SLCO3A1: variants seen among roughly 807,000 people sequenced by gnomAD.
The protein encoded by SLCO3A1 is solute carrier organic anion transporter family member 3A1.
Under a neutral mutation model 63.1 loss-of-function variants are expected in SLCO3A1, and 27 were observed. That is an observed-to-expected ratio of 0.43 (90% CI 0.32 to 0.59). The LOEUF (loss-of-function observed/expected upper bound fraction) is 0.59. SLCO3A1 is among the 20% of genes least tolerant of loss of function. The pLI, the probability that SLCO3A1 is intolerant of heterozygous loss-of-function variation, is 0.09. For missense variants in SLCO3A1, 773 were observed against 945.8 expected (o/e 0.82, Z 2.40); for synonymous variants, 473 against 409.9 (o/e 1.15, Z -1.86).
At position 91,854,051 on chromosome 15, in the gene SLCO3A1, C is replaced by T; in HGVS notation, c.143C>T (p.Ala48Val). Reference sequence around the variant, plus strand: ...AAGATCTTCCTGGTGTCCGAGTGCGCCCTGATGCTGGCGCAGGGCACGGTG... The same window carrying T: ...AAGATCTTCCTGGTGTCCGAGTGCGTCCTGATGCTGGCGCAGGGCACGGTG... ...NIKIFLVSECALMLAQGTVGA... is the reference protein window; with the variant it reads ...NIKIFLVSECVLMLAQGTVGA... Residue 48 changes from alanine (A) to valine (V), a missense_variant, in exon 1 of 10, where the codon GCC becomes GTC. Physicochemically the swap from Ala to Val is moderately conservative, Grantham distance 64. Around this residue, in one of 3 missense-constraint regions of SLCO3A1, gnomAD observed 69 missense variants for 64.6 expected, o/e 1.07. Coordinates refer to ENST00000318445, the MANE Select transcript of SLCO3A1 (RefSeq NM_013272.4). The surrounding 1 kb of genome is among the most constrained non-coding windows in gnomAD (Gnocchi z 6.4). The T allele has an allele frequency of 6.5e-7, 1 of 1,537,958 alleles. No individual in the cohort carries two copies. The highest frequency in any genetic ancestry group is 8.8e-7 in the Non-Finnish European group (1 of 1,140,134).
chr15:91,877,098 AT>A (rs1897419072), intron 1 of SLCO3A1, among the ~76,000 whole-genome samples: 1 of 152,160 alleles, frequency 6.6e-6, no homozygotes, highest in Non-Finnish European at 1.5e-5. Context: ...GACTTGATTT[AT>A]TTCTTGATCT....
intron 2 of SLCO3A1, among the ~76,000 whole-genome samples, chr15:92,092,236 A>T (rs2047486609): frequency 6.6e-6 from 1 of 152,156 alleles, no homozygotes; most frequent in Non-Finnish European, 1.5e-5. Context: ...TTTTCCAAGG[A>T]TGCTGAAGGC....
Position 91,967,116 on chromosome 15 carries a change from G to A in SLCO3A1, c.646+50658G>A, listed in dbSNP as rs1900688133. On this transcript the variant is annotated intron_variant, in intron 2 of 9. Coordinates refer to ENST00000318445, the MANE Select transcript of SLCO3A1 (RefSeq NM_013272.4). The surrounding 1 kb of genome is among the most constrained non-coding windows in gnomAD (Gnocchi z 4.4). The stretch of plus-strand genomic sequence containing the variant: ...TGATCCAGAAGAGTTAGGCTCTAAA[G>A]AAGTTTTGAAATACCTCATTCTATT... Among the ~76,000 whole-genome samples, 1 of 152,110 alleles carries A rather than the reference G, an allele frequency of 6.6e-6. No homozygotes were observed. Among genetic ancestry groups the A allele is most frequent in the Admixed American group, 6.5e-5 (1 of 15,272 alleles).
At chr15:92,109,498 C>T (rs76877901) in intron 4 of SLCO3A1, among the ~76,000 whole-genome samples, 2 of 152,316 alleles carry the variant, frequency 1.3e-5, no homozygotes, top group East Asian at 3.9e-4. Flanking sequence ...TGTCCTGACC[C>T]TCTGCCAGGT....
intron 3 of SLCO3A1, among the ~76,000 whole-genome samples, chr15:92,102,085 G>T (rs539936193): frequency 6.6e-6 from 1 of 151,828 alleles, no homozygotes; most frequent in African/African-American, 2.4e-5. Context: ...CTCTTTACCC[G>T]CTCACATCTG....
At chr15:92,156,069 C>T (rs2048367667) in intron 9 of SLCO3A1, among the ~76,000 whole-genome samples, 1 of 152,300 alleles carries the variant, frequency 6.6e-6, no homozygotes, top group African/African-American at 2.4e-5. Flanking sequence ...TGGAAAAGTA[C>T]ATCCTAGACA....
rs971166197 is a variant in SLCO3A1 at position 91,883,404 on chromosome 15, T to A, written c.180+29316T>A. 9.9e-5 allele frequency among the ~76,000 whole-genome samples: 15 copies of A among 152,180 alleles called. No homozygotes were observed. The highest frequency in any genetic ancestry group is 3.1e-4 in the African/African-American group (13 of 41,436). ...CTTCTTGGTAGAAGCAGTGCCAGTT[T>A]GGGATCAGAACGTCCAATCGCTGAC... On this transcript the variant is annotated intron_variant, in intron 1 of 9. Transcript: ENST00000318445. This position sits in a 1 kb window ranked among gnomAD's most constrained non-coding sequence, Gnocchi z 4.8.
Position 91,942,394 on chromosome 15 carries a change from G to A in SLCO3A1, c.646+25936G>A, listed in dbSNP as rs1013922146. On this transcript the variant is annotated intron_variant, in intron 2 of 9. Coordinates refer to ENST00000318445, the MANE Select transcript of SLCO3A1 (RefSeq NM_013272.4). This position sits in a 1 kb window ranked among gnomAD's most constrained non-coding sequence, Gnocchi z 4.1. ...TTGTTTTATGTATATTCCTATAGCT[G>A]TGCAGGTAAAACATGCCATTTAGCA... is the stretch of plus-strand genomic sequence containing the variant. Among the ~76,000 whole-genome samples the A allele has an allele frequency of 6.6e-6, 1 of 152,152 alleles. No homozygotes were observed. The highest frequency in any genetic ancestry group is 1.9e-4 in the East Asian group (1 of 5,182).
intron 2 of SLCO3A1, among the ~76,000 whole-genome samples, chr15:92,001,492 G>A (rs564899170): frequency 1.1e-4 from 17 of 152,294 alleles, no homozygotes; most frequent in East Asian, 7.7e-4. Context: ...TCCTGTGCCC[G>A]CTGGCCTGCT....
chr15:92,143,467 T>TATATATA (rs1462977606), intron 7 of SLCO3A1, among the ~76,000 whole-genome samples: 28 of 16,788 alleles, frequency 1.7e-3, no homozygotes, highest in Middle Eastern at 0.02. Context: ...ATAATATATA[T>TATATATA]AAATATATAT....
chr15:91,855,359 G>T (rs893964306), intron 1 of SLCO3A1, among the ~76,000 whole-genome samples: 2 of 152,200 alleles, frequency 1.3e-5, no homozygotes, highest in Middle Eastern at 3.2e-3. Flanking sequence ...AAGTTAGGTG[G>T]TTGTGAGAGA....
Position 92,091,329 on chromosome 15 carries a change from G to A in SLCO3A1, c.647-3552G>A, listed in dbSNP as rs539289147. Among the ~76,000 whole-genome samples the A allele has an allele frequency of 1.1e-4, 17 of 152,222 alleles. No individual in the cohort carries two copies. The South Asian group carries it at 2.5e-3, about 22-fold the overall frequency. On this transcript the variant is annotated intron_variant, in intron 2 of 9. Transcript: ENST00000318445. ...CTGGAAGACAGCAGGGGGCAGCACC[G>A]GGCCGCTGCAGAAGGTTCTGCACCT...
At chr15:92,029,287 C>T (rs998573412) in intron 2 of SLCO3A1, among the ~76,000 whole-genome samples, 1 of 152,156 alleles carries the variant, frequency 6.6e-6, no homozygotes, top group African/African-American at 2.4e-5. Context: ...TTGTCCCTGG[C>T]GATGGGAACA....
chr15:92,129,282 C>T (rs1483500971), intron 7 of SLCO3A1, among the ~76,000 whole-genome samples: 1 of 152,176 alleles, frequency 6.6e-6, no homozygotes, highest in East Asian at 1.9e-4. Flanking sequence ...CTTTCTCATG[C>T]TACTCTGTCA....
At chr15:92,125,976 C>A in intron 5 of SLCO3A1, 85 bp from the exon 6 acceptor site, 2 of 1,179,874 alleles carry the variant, frequency 1.7e-6, no homozygotes, top group Non-Finnish European at 2.5e-6. Context: ...ATTCACGGGA[C>A]TCAGCCTCAG....
chr15:92,153,878 A>T (rs547426377), intron 9 of SLCO3A1, among the ~76,000 whole-genome samples: 1 of 152,270 alleles, frequency 6.6e-6, no homozygotes, highest in Non-Finnish European at 1.5e-5. Flanking sequence ...ACAGAAGAAG[A>T]TGGAGCTGGA....
At chr15:92,069,101 C>A (rs1355735348) in intron 2 of SLCO3A1, among the ~76,000 whole-genome samples, 1 of 138,080 alleles carries the variant, frequency 7.2e-6, no homozygotes, top group East Asian at 2.4e-4. Flanking sequence ...CCCCCGCCCC[C>A]CCCCCGCCAC....
intron 2 of SLCO3A1, among the ~76,000 whole-genome samples, chr15:91,974,259 ATTATTG>A (rs1207397628): frequency 1.8e-5 from 2 of 114,058 alleles, no homozygotes; most frequent in Non-Finnish European, 3.7e-5. Context: ...CACCATTTTC[ATTATTG>A]TTATTATTAT....
chr15:92,011,004 A>T (rs2046362895), intron 2 of SLCO3A1, among the ~76,000 whole-genome samples: 1 of 152,210 alleles, frequency 6.6e-6, no homozygotes. Flanking sequence ...GATCCTGCTA[A>T]AACCCAAGTC....
Sources: gnomAD v4.1 joint callset for allele counts (sites outside exome capture counted in the v4.1 genomes callset) on GRCh38, gnomAD v4.1.1 for gene constraint, gnomAD v4.1.1 regional missense constraint, Gnocchi (gnomAD v3.1) non-coding constraint, MANE v1.5 for transcripts, NCBI Gene and HGNC (gene_info 2026-07-23, HGNC 2026-07-21) for gene names.